Variants in MMP8 observed in about 807,000 individuals in gnomAD.
MMP8 encodes matrix metallopeptidase 8, also known as neutrophil collagenase.
Under a neutral mutation model 51.2 loss-of-function variants are expected in MMP8, and 67 were observed. The ratio of observed to expected loss-of-function variants is 1.31; its 90% confidence interval spans 1.08 to 1.60. MMP8 has a LOEUF of 1.60. Among genes scored for constraint, MMP8 ranks in the 40% most tolerant of loss-of-function variants. MMP8 has a pLI of 0.00. For synonymous variants in MMP8, 225 were observed against 191.0 expected (o/e 1.18, Z -1.47); for missense variants, 654 against 558.1 (o/e 1.17, Z -1.73).
At chr11:102,719,155 T>C (rs34472552) in intron 4 of MMP8, among the ~76,000 whole-genome samples, 7,184 of 152,286 alleles carry the variant, frequency 0.047, 201 homozygotes, top group Middle Eastern at 0.1. Flanking sequence ...TATTGCTCTC[T>C]TTCTCCATGT....
rs3765620 is a variant in MMP8, at chr11:102,724,761, G to A, written c.95C>T (p.Thr32Ile). The change falls in exon 1 of 10, where the codon ACT becomes ATT. Residue 32 changes from threonine to isoleucine, a missense_variant. Transcript: ENST00000236826. ...AACTGATAGTTCATTTACCTGAACA[G>A]TTTTTGTATTTTTCTCTTTAGAAGA... ...PVSSKEKNTK[T>I]VQDYLEKFYQ... The A allele has an allele frequency of 0.57, 904,371 of 1,586,530 alleles. 261,255 individuals are homozygous for A. The highest frequency in any genetic ancestry group is 0.76 in the African/African-American group (56,565 of 74,418).
intron 4 of MMP8, among the ~76,000 whole-genome samples, chr11:102,720,793 CTAATTTCTAATTATAGAAATTA>C (rs573535413): frequency 2.6e-5 from 4 of 151,974 alleles, no homozygotes; most frequent in African/African-American, 7.3e-5. Context: ...TCTCAATAGA[CTAATTTCTAATTATAGAAATTA>C]TAATTTCTAA....
intron 4 of MMP8, among the ~76,000 whole-genome samples, chr11:102,719,018 C>A (rs955528989): frequency 2.0e-5 from 3 of 152,170 alleles, no homozygotes; most frequent in African/African-American, 7.2e-5. Context: ...AGTGGAGCAG[C>A]CTCAGATGGA....
At chr11:102,718,656 C>T in intron 4 of MMP8, 81 bp from the exon 5 acceptor site, 1 of 1,497,280 alleles carries the variant, frequency 6.7e-7, no homozygotes, top group Non-Finnish European at 9.2e-7. Context: ...ATGCAACCTC[C>T]AAGTCAAAAC....
At position 102,718,366 on chromosome 11, in the gene MMP8, T is replaced by G. The variant is rs753879777; in HGVS notation, c.784+48A>C. ...TATTCAGATTCTGGGAGTGTTCGCC[T>G]ATTCCCAGGTCCTACCATGTACTAT... On this transcript the variant is annotated intron_variant, in intron 5 of 9. Coordinates refer to ENST00000236826, the MANE Select transcript of MMP8 (RefSeq NM_002424.3). The G allele has an allele frequency of 4.5e-6, 7 of 1,553,822 alleles. No homozygotes were observed. The African/African-American group carries it at 9.5e-5, about 21-fold the overall frequency.
chr11:102,714,012 T>G (rs1226547676), intron 8 of MMP8, among the ~76,000 whole-genome samples, 155 bp from the exon 9 acceptor site: 2 of 152,220 alleles, frequency 1.3e-5, no homozygotes, highest in African/African-American at 4.8e-5. Flanking sequence ...ATGGTTAATT[T>G]CTCTACCTAA....
Position 102,720,477 on chromosome 11 carries a change from T to G in MMP8, c.622+924A>C, listed in dbSNP as rs191098390. Reference sequence around the variant, plus strand: ...TCCTAGCATATGGACTTAGGTAGAATAGACCCTCGTAACATACCCATGTTG... The same window carrying G: ...TCCTAGCATATGGACTTAGGTAGAAGAGACCCTCGTAACATACCCATGTTG... On this transcript the variant is annotated intron_variant, in intron 4 of 9. Coordinates refer to ENST00000236826, the MANE Select transcript of MMP8 (RefSeq NM_002424.3). 3.3e-5 allele frequency among the ~76,000 whole-genome samples: 5 copies of G among 152,254 alleles called. No homozygotes were observed. The East Asian group carries it at 9.6e-4, about 29-fold the overall frequency.
In MMP8 at chr11:102,711,975, A is replaced by G. The variant is rs1427488518; in HGVS notation, c.*1373T>C. 1 of 152,214 alleles carries G rather than the reference A, an allele frequency of 6.6e-6. No homozygotes were observed. The highest frequency in any genetic ancestry group is 1.5e-5 in the Non-Finnish European group (1 of 68,050). The allele number at this position is 152,214 out of a possible 1,614,324, so 9.4% of individuals were successfully genotyped here. On this transcript the variant is annotated 3_prime_UTR_variant, in exon 10 of 10. Transcript: ENST00000236826. ...CTACATATTTATTGTATAATAAGCT[A>G]TATTATATTCTAATAACAGCAAATA...
Position 102,712,846 on chromosome 11 carries a change from G to T in MMP8, c.*502C>A, listed in dbSNP as rs917240520. 1.3e-5 allele frequency: 2 copies of T among 152,436 alleles called. No homozygotes were observed. The highest frequency in any genetic ancestry group is 4.8e-5 in the African/African-American group (2 of 41,412). 9.4% of individuals were successfully genotyped at this position (152,436 alleles called of 1,614,324 possible). A position where few individuals can be genotyped will look rare whatever the true frequency, so the allele number is the denominator to read the frequency against. On this transcript the variant is annotated 3_prime_UTR_variant, in exon 10 of 10. Transcript: ENST00000236826. ...TTATGGGGGACACAATTCAACCCAC[G>T]AAACATATCATCTACATTTCTTTCC...
In MMP8 at chr11:102,721,493, T is replaced by C. The variant is rs141078916; in HGVS notation, c.530A>G (p.Asn177Ser). 122 of 1,613,896 alleles carry C rather than the reference T, an allele frequency of 7.6e-5. No individual in the cohort carries two copies. Among genetic ancestry groups the C allele is most frequent in the Middle Eastern group, 3.3e-4 (2 of 6,058 alleles). Residue 177 changes from asparagine (N) to serine (S), a missense_variant, in exon 4 of 10, where the codon AAT (asparagine) becomes AGT (serine). Coordinates refer to ENST00000236826, the MANE Select transcript of MMP8 (RefSeq NM_002424.3). Reference protein sequence around the residue: ...HGDNSPFDGPNGILAHAFQPG... With the variant: ...HGDNSPFDGPSGILAHAFQPG... ...CTGAAAGGCATGAGCAAGGATTCCA[T>C]TGGGTCCATCAAATGGAGAATTGTC... is the stretch of plus-strand genomic sequence containing the variant.
intron 2 of MMP8, 111 bp downstream of exon 2, chr11:102,722,317 GC>G (rs1365289317): frequency 8.6e-7 from 1 of 1,157,550 alleles, no homozygotes; most frequent in Non-Finnish European, 1.2e-6. Context: ...CTCTTCAAAG[GC>G]AGGGATATTT....
chr11:102,714,695 C>A lies in MMP8; in HGVS notation c.1051G>T (p.Ala351Ser). The change falls in exon 8 of 10, where the codon GCT becomes TCT. Residue 351 changes from alanine to serine, a missense_variant. Coordinates refer to ENST00000236826, the MANE Select transcript of MMP8 (RefSeq NM_002424.3). ...TGCAGAATATCATAGCCACTCAGAG[C>A]CCAGTATTGGTTGCCTGTCAATGAT... ...IFLFKGNQYW[A>S]LSGYDILQGY... The A allele has an allele frequency of 1.3e-6, 2 of 1,512,510 alleles. No individual in the cohort carries two copies. Among genetic ancestry groups the A allele is most frequent in the African/African-American group, 1.4e-5 (1 of 69,112 alleles). The allele number at this position is 1,512,510 out of a possible 1,614,324, so 93.7% of individuals were successfully genotyped here.
Position 102,722,652 on chromosome 11 carries a change from G to T in MMP8, c.124C>A (p.Gln42Lys). ...TVQDYLEKFY[Q>K]LPSNQYQSTR... is the part of the protein sequence containing the mutation. ...GACTGATACTGGTTGCTTGGTAATT[G>T]GTAGAACTTTTCCAGGTAGTCCTGG... Residue 42 changes from glutamine (Q) to lysine (K), a missense_variant, in exon 2 of 10, where the codon CAA becomes AAA. Physicochemically the swap from Gln to Lys is moderately conservative, Grantham distance 53. Coordinates refer to ENST00000236826, the MANE Select transcript of MMP8 (RefSeq NM_002424.3). The T allele has an allele frequency of 6.2e-7, 1 of 1,613,642 alleles. No individual in the cohort carries two copies. The highest frequency in any genetic ancestry group is 1.1e-5 in the South Asian group (1 of 91,050).
At chr11:102,720,014 G>A (rs1486500344) in intron 4 of MMP8, among the ~76,000 whole-genome samples, 1 of 152,188 alleles carries the variant, frequency 6.6e-6, no homozygotes, top group African/African-American at 2.4e-5. Context: ...ATTTCAGGGA[G>A]AGGAAGCAAT....
Position 102,724,933 on chromosome 11 carries a change from G to A in MMP8, c.-78C>T. 3 of 1,517,830 alleles carry A rather than the reference G, an allele frequency of 2.0e-6. No individual in the cohort carries two copies. The highest frequency in any genetic ancestry group is 1.8e-6 in the Non-Finnish European group (2 of 1,127,278). The allele number at this position is 1,517,830 out of a possible 1,614,324, so 94.0% of individuals were successfully genotyped here. A position where few individuals can be genotyped will look rare whatever the true frequency, so the allele number is the denominator to read the frequency against. On this transcript the variant is annotated 5_prime_UTR_variant, in exon 1 of 10. Transcript: ENST00000236826. ...AGGGCCCTTCCCTGGCGAGCACCCTGACGTTCACAGCATCATGTGTCACTC... is the reference window on the plus strand; with the variant it reads ...AGGGCCCTTCCCTGGCGAGCACCCTAACGTTCACAGCATCATGTGTCACTC...
chr11:102,724,904 G>T lies in MMP8; in HGVS notation c.-49C>A. ...CTCCTGGCTTTCTTTCTGTCCCTCT[G>T]GGTAGGGCCCTTCCCTGGCGAGCAC... On this transcript the variant is annotated 5_prime_UTR_variant, in exon 1 of 10. Coordinates refer to ENST00000236826, the MANE Select transcript of MMP8 (RefSeq NM_002424.3). The T allele has an allele frequency of 6.4e-7, 1 of 1,571,588 alleles. No homozygotes were observed. The highest frequency in any genetic ancestry group is 8.7e-7 in the Non-Finnish European group (1 of 1,155,472).
rs771535400 is a variant in MMP8 at position 102,718,495 on chromosome 11, T to C, written c.703A>G (p.Met235Val). 28 of 1,613,886 alleles carry C rather than the reference T, an allele frequency of 1.7e-5. No individual in the cohort carries two copies. The highest frequency in any genetic ancestry group is 2.4e-5 in the Non-Finnish European group (28 of 1,179,924). The change falls in exon 5 of 10, where the codon ATG (methionine) becomes GTG (valine). Residue 235 changes from methionine to valine, a missense_variant. Transcript: ENST00000236826. ...TCCCTGAAAGCATAGTTGGGATACA[T>C]CAAGGCACCAGGGTCAGAGGAGTGA... ...LAHSSDPGAL[M>V]YPNYAFRETS... is the part of the protein sequence containing the mutation.
intron 1 of MMP8, chr11:102,723,352 C>T: frequency 2.8e-6 from 1 of 358,172 alleles, no homozygotes; most frequent in Non-Finnish European, 5.5e-6. Context: ...TGAAATGTAA[C>T]CTAACTAGAC....
intron 1 of MMP8, chr11:102,723,340 A>G (rs1162432834): frequency 2.8e-6 from 1 of 358,396 alleles, no homozygotes; most frequent in Non-Finnish European, 5.5e-6. Context: ...CTTCATACAC[A>G]GTGAAATGTA....
Sources: allele counts gnomAD v4.1 joint callset (sites outside exome capture counted in the v4.1 genomes callset), GRCh38; gene constraint gnomAD v4.1.1; transcripts MANE v1.5; gene names NCBI Gene and HGNC (gene_info 2026-07-23, HGNC 2026-07-21).